The following NT5C3A variants were observed in gnomAD, a reference collection of about 807,000 sequenced individuals.
The protein encoded by NT5C3A is 5'-nucleotidase, cytosolic IIIA.
Under a neutral mutation model 40.0 loss-of-function variants are expected in NT5C3A, and 23 were observed. The observed-to-expected ratio is 0.58, with a 90% CI of 0.41 to 0.81. The LOEUF is 0.81. NT5C3A is among the 40% of genes least tolerant of loss of function. The pLI, the probability that NT5C3A is intolerant of heterozygous loss-of-function variation, is 0.00. For synonymous variants in NT5C3A, 130 were observed against 141.4 expected, an observed-to-expected ratio of 0.92 and a Z score of 0.57; for missense variants, 328 against 403.0, an observed-to-expected ratio of 0.81 and a Z score of 1.59.
chr7:33,014,236 C>G lies in NT5C3A; in HGVS notation c.*494G>C, dbSNP rs898342741. 2.2e-6 allele frequency: 1 copy of G among 454,504 alleles called. No homozygotes were observed. Among genetic ancestry groups the G allele is most frequent in the Non-Finnish European group, 4.4e-6 (1 of 226,786 alleles). 28.2% of individuals were successfully genotyped at this position (454,504 alleles called of 1,614,324 possible). A position where few individuals can be genotyped will look rare whatever the true frequency, so the allele number is the denominator to read the frequency against. ...CACCAGGTTTTTCCAACACTAACTGCTAGTCTTTTCCAGTAAATATTTTTT... is the reference window on the plus strand; with the variant it reads ...CACCAGGTTTTTCCAACACTAACTGGTAGTCTTTTCCAGTAAATATTTTTT... On this transcript the variant is annotated 3_prime_UTR_variant, in exon 9 of 9. Transcript: ENST00000610140.
At position 33,032,524 on chromosome 7, in the gene NT5C3A, T is replaced by C. The variant is rs182586081; in HGVS notation, c.139-5609A>G. ...CAGGCTGGAGGGCAGTGGCGTGATC[T>C]TGGCTCACTGCAACTTTCCCTCCTG... On this transcript the variant is annotated intron_variant, in intron 1 of 8. Coordinates refer to ENST00000610140, the MANE Select transcript of NT5C3A (RefSeq NM_001002010.5). Among the ~76,000 whole-genome samples, 5 of 150,868 alleles carry C rather than the reference T, an allele frequency of 3.3e-5. No homozygotes were observed. The East Asian group carries it at 9.9e-4, about 30-fold the overall frequency.
At chr7:33,027,347 A>C (rs1164131417) in intron 1 of NT5C3A, among the ~76,000 whole-genome samples, 1 of 152,224 alleles carries the variant, frequency 6.6e-6, no homozygotes, top group Non-Finnish European at 1.5e-5. Context: ...TGGGATTAAA[A>C]GTGTGGGACA....
chr7:33,036,012 C>T, intron 1 of NT5C3A: 1 of 1,595,638 alleles, frequency 6.3e-7, no homozygotes, highest in African/African-American at 1.3e-5. Flanking sequence ...GGTGATGTCA[C>T]AGCAAAAGAG....
At chr7:33,051,383 C>G (rs1395296248) in intron 1 of NT5C3A, among the ~76,000 whole-genome samples, 1 of 152,008 alleles carries the variant, frequency 6.6e-6, no homozygotes, top group Non-Finnish European at 1.5e-5. Context: ...AGGGTGGTCT[C>G]GAACTCCTGA....
chr7:33,014,879 CAA>C (rs1292055650), intron 8 of NT5C3A, 48 bp from the exon 9 acceptor site: 9 of 1,479,428 alleles, frequency 6.1e-6, no homozygotes, highest in Non-Finnish European at 8.4e-6. Flanking sequence ...GGCAAAGAAA[CAA>C]ATAATTTCAG....
intron 1 of NT5C3A, among the ~76,000 whole-genome samples, chr7:33,031,769 G>A (rs1389686157): frequency 1.3e-5 from 2 of 151,872 alleles, no homozygotes; most frequent in African/African-American, 4.8e-5. Context: ...AAAATTACTT[G>A]TACTTTTAAT....
intron 1 of NT5C3A, among the ~76,000 whole-genome samples, chr7:33,061,673 T>C (rs900610048): frequency 2.6e-5 from 4 of 152,206 alleles, no homozygotes; most frequent in South Asian, 2.1e-4. Context: ...TTATTTAGTG[T>C]AGATTTTAAA....
At chr7:33,019,035 C>G (rs1195475309) in intron 6 of NT5C3A, among the ~76,000 whole-genome samples, 2 of 151,866 alleles carry the variant, frequency 1.3e-5, no homozygotes, top group Non-Finnish European at 2.9e-5. Flanking sequence ...TTTGGGATCG[C>G]TTGAGCTCAA....
At chr7:33,020,775 A>AT (rs11434167) in intron 5 of NT5C3A, among the ~76,000 whole-genome samples, 100,795 of 142,408 alleles carry the variant, frequency 0.71, 35,596 homozygotes, top group African/African-American at 0.77. Context: ...GTCATGATCT[A>AT]TTTTTTTTTT....
chr7:33,042,415 C>T (rs1786967146), intron 1 of NT5C3A, among the ~76,000 whole-genome samples: 1 of 152,032 alleles, frequency 6.6e-6, no homozygotes, highest in Admixed American at 6.5e-5. Flanking sequence ...ACCTTTGACA[C>T]TGCTATCTTA....
At chr7:33,061,595 G>A (rs538613733) in intron 1 of NT5C3A, among the ~76,000 whole-genome samples, 59 of 152,236 alleles carry the variant, frequency 3.9e-4, no homozygotes, top group Admixed American at 8.5e-4. Flanking sequence ...AGGACAAATC[G>A]TGTCTTTCGT....
chr7:33,046,611 T>C (rs1388208226), intron 1 of NT5C3A, among the ~76,000 whole-genome samples: 1 of 152,202 alleles, frequency 6.6e-6, no homozygotes, highest in Non-Finnish European at 1.5e-5. Flanking sequence ...ACATGAACTA[T>C]ATCTTTTTTA....
chr7:33,027,954 C>A (rs1196986344), intron 1 of NT5C3A, among the ~76,000 whole-genome samples: 1 of 152,076 alleles, frequency 6.6e-6, no homozygotes, highest in Non-Finnish European at 1.5e-5. Context: ...TTAAAATGTT[C>A]CTGAGCAGAA....
At position 33,034,255 on chromosome 7, in the gene NT5C3A, A is replaced by G. The variant is rs374434731; in HGVS notation, c.139-7340T>C. Among the ~76,000 whole-genome samples the G allele has an allele frequency of 5.3e-5, 8 of 152,188 alleles. No homozygotes were observed. The East Asian group carries it at 1.3e-3, about 26-fold the overall frequency. Reference sequence around the variant, plus strand: ...AAATTGTGTAAATTAATGCAATAATAGTTAAAAAAAATCTTTTGGCTTGTT... The same window carrying G: ...AAATTGTGTAAATTAATGCAATAATGGTTAAAAAAAATCTTTTGGCTTGTT... On this transcript the variant is annotated intron_variant, in intron 1 of 8. Coordinates refer to ENST00000610140, the MANE Select transcript of NT5C3A (RefSeq NM_001002010.5).
chr7:33,014,325 C>T lies in NT5C3A; in HGVS notation c.*405G>A, dbSNP rs149488538. 431 of 454,288 alleles carry T rather than the reference C, an allele frequency of 9.5e-4. 4 individuals are homozygous for T. Among genetic ancestry groups the T allele is most frequent in the African/African-American group, 7.6e-3 (380 of 50,100 alleles). The allele number at this position is 454,288 out of a possible 1,614,324, so 28.1% of individuals were successfully genotyped here. ...GATGGTGATACCATCAGCATAATAA[C>T]CCAAATTACAAAAATGGCAATACTT... On this transcript the variant is annotated 3_prime_UTR_variant, in exon 9 of 9. Coordinates refer to ENST00000610140, the MANE Select transcript of NT5C3A (RefSeq NM_001002010.5).
Position 33,054,011 on chromosome 7 carries a change from G to T in NT5C3A, c.138+8557C>A, listed in dbSNP as rs77789712. Among the ~76,000 whole-genome samples the T allele has an allele frequency of 8.0e-3, 1,218 of 152,192 alleles. 56 individuals carry two copies. The East Asian group carries it at 0.14, about 17-fold the overall frequency. ...ACATGCCTGGTACAAACATTTCCAC[G>T]TTTACAAATTTGGGAATTCAAGATC... On this transcript the variant is annotated intron_variant, in intron 1 of 8. Transcript: ENST00000610140.
At chr7:33,017,640 A>C in intron 6 of NT5C3A, 39 bp from the exon 7 acceptor site, 1 of 1,499,026 alleles carries the variant, frequency 6.7e-7, no homozygotes. Flanking sequence ...TTAAAGAGCA[A>C]GATATAGTTC....
chr7:33,062,362 T>C (rs1224633536), intron 1 of NT5C3A, among the ~76,000 whole-genome samples: 2 of 152,162 alleles, frequency 1.3e-5, no homozygotes, highest in East Asian at 1.9e-4. Context: ...GACCCAACCC[T>C]GGTCACCAAG....
At chr7:33,038,760 G>C in intron 1 of NT5C3A, 1 of 435,484 alleles carries the variant, frequency 2.3e-6, no homozygotes, top group South Asian at 1.6e-5. Context: ...TTAGGGCAGA[G>C]TATTTTTAAA....
Sources: gnomAD v4.1 joint callset for allele counts (sites outside exome capture counted in the v4.1 genomes callset) on GRCh38, gnomAD v4.1.1 for gene constraint, MANE v1.5 for transcripts, NCBI Gene and HGNC (gene_info 2026-07-23, HGNC 2026-07-21) for gene names.